TP63: variants seen among roughly 807,000 people sequenced by gnomAD.
The protein encoded by TP63 is tumor protein 63.
A neutral mutation model predicts 82.8 loss-of-function variants in TP63; 17 were observed. That is an observed-to-expected ratio of 0.21 (90% CI 0.14 to 0.31). TP63 has a LOEUF of 0.31. Among genes scored for constraint, TP63 ranks in the 10% least tolerant of loss-of-function variants. The probability of loss-of-function intolerance (pLI) is 1.00; values close to 1 mark genes in which losing one functional copy is unlikely to be tolerated. For synonymous variants in TP63, 330 were observed against 321.7 expected, an observed-to-expected ratio of 1.03 and a Z score of -0.28; for missense variants, 648 against 895.3, an observed-to-expected ratio of 0.72 and a Z score of 3.52.
At chr3:189,829,358 T>A (rs1198814417) in intron 4 of TP63, among the ~76,000 whole-genome samples, 12 of 152,246 alleles carry the variant, frequency 7.9e-5, no homozygotes, top group Admixed American at 5.2e-4. Flanking sequence ...ATATGAGTTT[T>A]AAGCATTTAT....
chr3:189,885,782 A>G (rs1056448384), intron 10 of TP63, among the ~76,000 whole-genome samples: 7 of 152,216 alleles, frequency 4.6e-5, no homozygotes, highest in Non-Finnish European at 8.8e-5. Context: ...TCTCCTGTGT[A>G]GAAATGCTTT....
At chr3:189,771,338 TATTTATATAATATA>T (rs1358252403) in intron 3 of TP63, among the ~76,000 whole-genome samples, 1 of 133,274 alleles carries the variant, frequency 7.5e-6, no homozygotes, top group African/African-American at 3.0e-5. Context: ...ATATAATATA[TATTTATATAATATA>T]TTAAATATAT....
chr3:189,789,544 C>T (rs1724909565), intron 3 of TP63: 3 of 580,476 alleles, frequency 5.2e-6, no homozygotes, highest in Admixed American at 9.3e-5. Context: ...AGAGGCCTCA[C>T]TCCATTGGAG....
intron 9 of TP63, among the ~76,000 whole-genome samples, chr3:189,871,978 G>T (rs1049190740): frequency 2.0e-5 from 3 of 152,120 alleles, no homozygotes; most frequent in African/African-American, 7.2e-5. Flanking sequence ...AAATTGCCGG[G>T]ATTGTAGGTG....
rs1028184560 is a variant in TP63, at chr3:189,896,716, C to G, written c.*2214C>G. On this transcript the variant is annotated 3_prime_UTR_variant, in exon 14 of 14. Transcript: ENST00000264731. ...CACTAGGGCCTTGGAAATTCCTGTA[C>G]TGTGTCTCATGGATTTGGCACTAGC... 4.9e-6 allele frequency: 1 copy of G among 204,456 alleles called. No homozygotes were observed. Among genetic ancestry groups the G allele is most frequent in the Non-Finnish European group, 1.0e-5 (1 of 99,648 alleles). 12.7% of individuals were successfully genotyped at this position (204,456 alleles called of 1,614,324 possible). A position where few individuals can be genotyped will look rare whatever the true frequency, so the allele number is the denominator to read the frequency against.
At chr3:189,654,086 A>C (rs1309292075) in intron 1 of TP63, among the ~76,000 whole-genome samples, 1 of 152,142 alleles carries the variant, frequency 6.6e-6, no homozygotes, top group African/African-American at 2.4e-5. Context: ...CTAGTCTCCC[A>C]TTTATTTGTG....
At chr3:189,802,610 C>T (rs1225932023) in intron 3 of TP63, among the ~76,000 whole-genome samples, 2 of 152,112 alleles carry the variant, frequency 1.3e-5, no homozygotes, top group Non-Finnish European at 2.9e-5. Flanking sequence ...CTACCTTGCC[C>T]AGAGGTACAC....
chr3:189,848,879 T>G (rs1715277422), intron 4 of TP63, among the ~76,000 whole-genome samples: 1 of 152,176 alleles, frequency 6.6e-6, no homozygotes, highest in South Asian at 2.1e-4. Context: ...AATGCTGCCT[T>G]TTTTGTATGC....
chr3:189,685,559 A>G (rs1485715073), intron 1 of TP63, among the ~76,000 whole-genome samples: 2 of 152,160 alleles, frequency 1.3e-5, no homozygotes, highest in Non-Finnish European at 2.9e-5. Context: ...TGTGAACTCC[A>G]TCAAGGCATA....
At chr3:189,715,775 T>A (rs975738683) in intron 1 of TP63, among the ~76,000 whole-genome samples, 2 of 152,220 alleles carry the variant, frequency 1.3e-5, no homozygotes, top group African/African-American at 4.8e-5. Context: ...GTGCACTGAT[T>A]TGGTCTGTTT....
the TP63 span, among the ~76,000 whole-genome samples, chr3:189,607,865 A>G: frequency 1.3e-5 from 2 of 152,148 alleles, no homozygotes; most frequent in Non-Finnish European, 2.9e-5. Flanking sequence ...TATCACATAC[A>G]TTCTTTCAAA....
Position 189,637,944 on chromosome 3 carries a change from A to G in TP63, c.62+6367A>G, listed in dbSNP as rs569029890. Among the ~76,000 whole-genome samples the G allele has an allele frequency of 1.2e-4, 18 of 152,206 alleles. No homozygotes were observed. The East Asian group carries it at 3.3e-3, about 28-fold the overall frequency. Reference sequence around the variant, plus strand: ...TGAAAGTGACATGTTGTAAAAAAAGACTTGACAGGCTATTGCTGGTTTTGA... The same window carrying G: ...TGAAAGTGACATGTTGTAAAAAAAGGCTTGACAGGCTATTGCTGGTTTTGA... On this transcript the variant is annotated intron_variant, in intron 1 of 13. Coordinates refer to ENST00000264731, the MANE Select transcript of TP63 (RefSeq NM_003722.5).
intron 4 of TP63, among the ~76,000 whole-genome samples, chr3:189,827,004 G>T (rs985309671): frequency 6.6e-6 from 1 of 152,172 alleles, no homozygotes; most frequent in African/African-American, 2.4e-5. Context: ...TTTCTCTTCT[G>T]TGAGGTGAAA....
intron 1 of TP63, among the ~76,000 whole-genome samples, chr3:189,718,131 T>C (rs1719101344): frequency 6.6e-6 from 1 of 152,042 alleles, no homozygotes; most frequent in Non-Finnish European, 1.5e-5. Context: ...GATTCCCAAG[T>C]GTGTGGAGAA....
intron 1 of TP63, among the ~76,000 whole-genome samples, chr3:189,677,443 T>TACAC (rs71173302): frequency 6.8e-5 from 10 of 147,210 alleles, no homozygotes; most frequent in Non-Finnish European, 1.5e-4. Flanking sequence ...CATATATATA[T>TACAC]ACACACATAT....
intron 1 of TP63, among the ~76,000 whole-genome samples, chr3:189,715,264 A>G (rs116881234): frequency 0.01 from 1,564 of 152,280 alleles, 23 homozygotes; most frequent in East Asian, 0.06. Context: ...GTCACACAAG[A>G]GAGCTGCCAG....
chr3:189,894,277 G>A lies in TP63; in HGVS notation c.1818G>A (p.Gln606=), dbSNP rs978972833. Residue 606 remains glutamine (Q), a synonymous_variant, in exon 14 of 14, where the codon CAG becomes CAA. Coordinates refer to ENST00000264731, the MANE Select transcript of TP63 (RefSeq NM_003722.5). The part of the protein sequence containing the change: ...AIWKGILDHR[Q]LHEFSSPSHL... Reference sequence around the variant, plus strand: ...GGAAGGGCATCCTGGACCACCGGCAGCTCCACGAATTCTCCTCCCCTTCTC... The same window carrying A: ...GGAAGGGCATCCTGGACCACCGGCAACTCCACGAATTCTCCTCCCCTTCTC... The A allele has an allele frequency of 6.2e-7, 1 of 1,614,060 alleles. No homozygotes were observed. The highest frequency in any genetic ancestry group is 8.5e-7 in the Non-Finnish European group (1 of 1,179,998).
chr3:189,868,831 G>T, intron 8 of TP63, 115 bp downstream of exon 8: 1 of 1,543,348 alleles, frequency 6.5e-7, no homozygotes. Flanking sequence ...CAGCAAGTGG[G>T]ACGTCAGCCC....
the TP63 span, among the ~76,000 whole-genome samples, chr3:189,617,888 A>G: frequency 5.9e-5 from 9 of 152,322 alleles, no homozygotes; most frequent in East Asian, 1.4e-3. Context: ...TAAGCTTCCT[A>G]TGAGTTGGAT....
Sources: allele counts gnomAD v4.1 joint callset (sites outside exome capture counted in the v4.1 genomes callset), GRCh38; gene constraint gnomAD v4.1.1; transcripts MANE v1.5; gene names NCBI Gene and HGNC (gene_info 2026-07-23, HGNC 2026-07-21).